The following CYP7B1 variants were observed in gnomAD, a reference collection of about 807,000 sequenced individuals.
CYP7B1 encodes cytochrome P450 7B1.
In CYP7B1, 29 loss-of-function variants were observed where a neutral mutation model predicts 42.7. The observed-to-expected ratio is 0.68, with a 90% CI of 0.51 to 0.93. The LOEUF (loss-of-function observed/expected upper bound fraction) is 0.93. Among genes scored for constraint, CYP7B1 ranks in the 40% least tolerant of loss-of-function variants. The probability of loss-of-function intolerance (pLI) is 0.00; values close to 1 mark genes in which losing one functional copy is unlikely to be tolerated. For synonymous variants in CYP7B1, 235 were observed against 218.2 expected (o/e 1.08, Z -0.68); for missense variants, 655 against 600.5 (o/e 1.09, Z -0.95).
chr8:64,783,491 G>C (rs1237379459), intron 1 of CYP7B1, among the ~76,000 whole-genome samples: 3 of 150,774 alleles, frequency 2.0e-5, no homozygotes, highest in Non-Finnish European at 4.4e-5. Context: ...GGAGTATAAT[G>C]ATATGTATGT....
intron 4 of CYP7B1, among the ~76,000 whole-genome samples, chr8:64,611,037 C>T (rs1324828386): frequency 2.6e-5 from 4 of 152,060 alleles, no homozygotes; most frequent in Admixed American, 1.3e-4. Context: ...AATATCTTAT[C>T]CTGAAGCTAA....
At chr8:64,673,062 A>G (rs1208185291) in intron 1 of CYP7B1, among the ~76,000 whole-genome samples, 3 of 152,136 alleles carry the variant, frequency 2.0e-5, no homozygotes, top group Admixed American at 2.0e-4. Context: ...CACACACACC[A>G]TAAAGGCACA....
intron 4 of CYP7B1, among the ~76,000 whole-genome samples, chr8:64,613,546 C>G (rs1348828819): frequency 6.6e-6 from 1 of 152,024 alleles, no homozygotes; most frequent in Non-Finnish European, 1.5e-5. Flanking sequence ...GAAATGCAAC[C>G]TAGATCTTCA....
At chr8:64,757,233 G>A (rs1158121224) in intron 1 of CYP7B1, among the ~76,000 whole-genome samples, 1 of 152,148 alleles carries the variant, frequency 6.6e-6, no homozygotes, top group African/African-American at 2.4e-5. Context: ...ATTCAGTTTG[G>A]CTTCCTACAC....
chr8:64,716,007 A>T (rs1481917375), intron 1 of CYP7B1, among the ~76,000 whole-genome samples: 1 of 152,170 alleles, frequency 6.6e-6, no homozygotes, highest in South Asian at 2.1e-4. Flanking sequence ...AGTTTAGTTT[A>T]TGCCTGTTTT....
intron 1 of CYP7B1, among the ~76,000 whole-genome samples, chr8:64,654,761 A>G (rs146556590): frequency 6.6e-6 from 1 of 152,348 alleles, no homozygotes; most frequent in East Asian, 1.9e-4. Flanking sequence ...ACATAACGCA[A>G]CTTCAAACTA....
intron 1 of CYP7B1, among the ~76,000 whole-genome samples, chr8:64,669,748 T>C (rs112200919): frequency 0.075 from 11,279 of 151,058 alleles, 466 homozygotes; most frequent in South Asian, 0.16. Flanking sequence ...CACACACACA[T>C]ACACACACCC....
intron 2 of CYP7B1, among the ~76,000 whole-genome samples, chr8:64,616,621 T>C (rs1389338749): frequency 6.6e-6 from 1 of 152,224 alleles, no homozygotes; most frequent in African/African-American, 2.4e-5. Flanking sequence ...TTCTCATATA[T>C]TTCCCTCAAT....
intron 1 of CYP7B1, chr8:64,728,088 G>A (rs1195545645): frequency 6.6e-6 from 1 of 152,166 alleles, no homozygotes; most frequent in Non-Finnish European, 1.5e-5. Flanking sequence ...CTGTTAATGA[G>A]CATGCATAAC....
At chr8:64,666,380 CA>C (rs1208390979) in intron 1 of CYP7B1, among the ~76,000 whole-genome samples, 1 of 151,674 alleles carries the variant, frequency 6.6e-6, no homozygotes, top group Non-Finnish European at 1.5e-5. Context: ...AATGAAATAA[CA>C]AAAAAATTTT....
intron 1 of CYP7B1, among the ~76,000 whole-genome samples, chr8:64,627,478 G>A (rs182494890): frequency 4.6e-5 from 7 of 152,250 alleles, no homozygotes; most frequent in African/African-American, 1.4e-4. Flanking sequence ...ACTCTGTTTG[G>A]TTTAATGTTG....
At chr8:64,609,531 T>C (rs1300352654) in intron 4 of CYP7B1, among the ~76,000 whole-genome samples, 2 of 152,162 alleles carry the variant, frequency 1.3e-5, no homozygotes, top group Non-Finnish European at 2.9e-5. Flanking sequence ...ATTTTCTAAT[T>C]GTGTATCAGA....
At chr8:64,626,979 A>G (rs1250345679) in intron 1 of CYP7B1, among the ~76,000 whole-genome samples, 1 of 152,216 alleles carries the variant, frequency 6.6e-6, no homozygotes, top group Non-Finnish European at 1.5e-5. Context: ...CCAACATGGT[A>G]GAATTTCACT....
intron 1 of CYP7B1, among the ~76,000 whole-genome samples, chr8:64,753,319 GTCT>G (rs1195377846): frequency 6.6e-6 from 1 of 152,150 alleles, no homozygotes; most frequent in East Asian, 1.9e-4. Context: ...TAAAATGTCT[GTCT>G]TCTTTGTTGA....
chr8:64,608,158 T>C (rs755322792), intron 4 of CYP7B1, among the ~76,000 whole-genome samples: 5 of 152,236 alleles, frequency 3.3e-5, no homozygotes, highest in Non-Finnish European at 7.3e-5. Context: ...TGCCAGGGAA[T>C]GTCTTGAGCT....
At chr8:64,715,648 CT>C (rs1278353960) in intron 1 of CYP7B1, among the ~76,000 whole-genome samples, 1 of 151,264 alleles carries the variant, frequency 6.6e-6, no homozygotes, top group Non-Finnish European at 1.5e-5. Flanking sequence ...AGCAAAATCA[CT>C]GGCAACAGAG....
intron 1 of CYP7B1, among the ~76,000 whole-genome samples, chr8:64,684,617 C>T (rs1253052439): frequency 6.6e-6 from 1 of 152,090 alleles, no homozygotes; most frequent in Non-Finnish European, 1.5e-5. Context: ...CATTTCTTCC[C>T]AGTTCAAAGA....
chr8:64,643,412 T>A (rs548565535), intron 1 of CYP7B1, among the ~76,000 whole-genome samples: 3 of 152,156 alleles, frequency 2.0e-5, no homozygotes, highest in Non-Finnish European at 2.9e-5. Context: ...ATATCTTAAT[T>A]AAAAATACTT....
intron 1 of CYP7B1, among the ~76,000 whole-genome samples, chr8:64,696,449 T>C (rs1282976008): frequency 6.6e-6 from 1 of 152,214 alleles, no homozygotes; most frequent in Non-Finnish European, 1.5e-5. Flanking sequence ...TATAAATTAT[T>C]ATTTTTACCA....
Sources: allele counts gnomAD v4.1 joint callset (sites outside exome capture counted in the v4.1 genomes callset), GRCh38; gene constraint gnomAD v4.1.1; transcripts MANE v1.5; gene names NCBI Gene and HGNC (gene_info 2026-07-23, HGNC 2026-07-21).